CEP85: variants seen among roughly 807,000 people sequenced by gnomAD.
CEP85 encodes the protein centrosomal protein of 85 kDa.
CEP85 carries 58 observed loss-of-function variants against 93.7 expected under a neutral mutation model. The ratio of observed to expected loss-of-function variants is 0.62; its 90% CI spans 0.50 to 0.77. CEP85 has a LOEUF of 0.77. Ranked by LOEUF, CEP85 falls within the 30% of genes least tolerant of loss-of-function variation. The probability of loss-of-function intolerance (pLI) is 0.00; values close to 1 mark genes in which losing one functional copy is unlikely to be tolerated. For missense variants in CEP85, 868 were observed against 922.0 expected (o/e 0.94, Z 0.76); for synonymous variants, 314 against 338.6 (o/e 0.93, Z 0.80).
intron 1 of CEP85, among the ~76,000 whole-genome samples, chr1:26,238,456 A>AG (rs2089366470): frequency 6.6e-6 from 1 of 151,930 alleles, no homozygotes; most frequent in South Asian, 2.1e-4. Context: ...TCGGCCTCCC[A>AG]AAGTGCTGGG....
chr1:26,255,652 C>T lies in CEP85; in HGVS notation c.690C>T (p.Gly230=). 6.2e-7 allele frequency: 1 copy of T among 1,614,088 alleles called. No homozygotes were observed. Among genetic ancestry groups the T allele is most frequent in the Non-Finnish European group, 8.5e-7 (1 of 1,180,012 alleles). ...RVLPEAKKAP[G]SGAVFERNGP... The stretch of plus-strand genomic sequence containing the variant: ...TGCCTGAGGCCAAGAAGGCACCGGG[C>T]AGCGGGGCAGTGTTTGAGCGGAATG... The change falls in exon 4 of 14, where the codon GGC becomes GGT. Residue 230 remains glycine, a synonymous_variant. Transcript: ENST00000451429.
intron 7 of CEP85, among the ~76,000 whole-genome samples, chr1:26,264,576 C>T (rs1174708290): frequency 6.6e-6 from 1 of 152,052 alleles, no homozygotes. Context: ...TGGATGAAAG[C>T]TCTGGATTCA....
chr1:26,239,771 ATAACTGTG>A lies in CEP85; in HGVS notation c.-12_-5del. ...TTCCTTCATTCTACAGTTGGCTTAA[ATAACTGTG>A]ATTGATGGCCATGCAGGAGAAATAT... On this transcript the variant is annotated 5_prime_UTR_variant, in exon 2 of 14. Transcript: ENST00000451429. 1 of 1,606,930 alleles carries A rather than the reference ATAACTGTG, an allele frequency of 6.2e-7. No homozygotes were observed. The highest frequency in any genetic ancestry group is 2.2e-5 in the East Asian group (1 of 44,852).
At chr1:26,271,151 GAA>G (rs1188332235) in intron 10 of CEP85, 44 bp downstream of exon 10, 1 of 1,218,580 alleles carries the variant, frequency 8.2e-7, no homozygotes, top group South Asian at 1.2e-5. Flanking sequence ...AGGCTGGGAG[GAA>G]AGAGAAGATT....
chr1:26,242,656 C>G (rs1216999674), intron 2 of CEP85, among the ~76,000 whole-genome samples: 2 of 152,016 alleles, frequency 1.3e-5, no homozygotes, highest in African/African-American at 4.8e-5. Context: ...AATTTGTGTC[C>G]AAATTACTTT....
intron 3 of CEP85, among the ~76,000 whole-genome samples, chr1:26,248,656 T>C (rs186825680): frequency 3.4e-5 from 5 of 147,156 alleles, no homozygotes; most frequent in African/African-American, 1.3e-4. Flanking sequence ...CCACCATGCC[T>C]GGCTAATTTT....
intron 8 of CEP85, 49 bp downstream of exon 8, chr1:26,268,684 C>T (rs751613062): frequency 4.6e-6 from 7 of 1,533,788 alleles, no homozygotes; most frequent in East Asian, 2.3e-5. Flanking sequence ...AGTGGCCAGG[C>T]AGGGGAACTT....
At position 26,255,516 on chromosome 1, in the gene CEP85, A is replaced by T; in HGVS notation, c.554A>T (p.Glu185Val). The T allele has an allele frequency of 6.2e-7, 1 of 1,614,072 alleles. No individual in the cohort carries two copies. ...AGGAAGTTTGATATTCCTAGCATGG[A>T]ATCTACCCTCAATCAGTCGGCAATG... ...EARKFDIPSMESTLNQSAMME... is the reference protein window; with the variant it reads ...EARKFDIPSMVSTLNQSAMME... Residue 185 changes from glutamate to valine, a missense_variant, in exon 4 of 14, where the codon GAA becomes GTA. Coordinates refer to ENST00000451429, the MANE Select transcript of CEP85 (RefSeq NM_001319944.2).
At chr1:26,276,485 C>T in intron 12 of CEP85, 50 bp from the exon 13 acceptor site, 2 of 1,435,972 alleles carry the variant, frequency 1.4e-6, no homozygotes, top group Non-Finnish European at 2.0e-6. Flanking sequence ...CACAGATACT[C>T]TTCCTCTCCC....
At chr1:26,251,964 G>A (rs1212523812) in intron 3 of CEP85, among the ~76,000 whole-genome samples, 6 of 152,188 alleles carry the variant, frequency 3.9e-5, no homozygotes, top group Non-Finnish European at 7.3e-5. Context: ...TAAGCACGGT[G>A]GCTCATCCCT....
chr1:26,278,528 T>C lies in CEP85; in HGVS notation c.*1235T>C, dbSNP rs2090084945. ...CCTCATGCCTGGGCCTGAATGAGGC[T>C]CTTTCTTAAGTGTTTTTACAAGTTT... is the stretch of plus-strand genomic sequence containing the variant. On this transcript the variant is annotated 3_prime_UTR_variant, in exon 14 of 14. Transcript: ENST00000451429. 1 of 152,628 alleles carries C rather than the reference T, an allele frequency of 6.6e-6. No individual in the cohort carries two copies. Among genetic ancestry groups the C allele is most frequent in the South Asian group, 2.1e-4 (1 of 4,832 alleles). 9.5% of individuals were successfully genotyped at this position (152,628 alleles called of 1,614,324 possible). A position where few individuals can be genotyped will look rare whatever the true frequency, so the allele number is the denominator to read the frequency against.
chr1:26,244,187 G>A lies in CEP85; in HGVS notation c.77G>A (p.Gly26Asp). 1 of 1,613,406 alleles carries A rather than the reference G, an allele frequency of 6.2e-7. No homozygotes were observed. The change falls in exon 3 of 14, where the codon GGC becomes GAC. Residue 26 changes from glycine to aspartate, a missense_variant. Physicochemically the swap from Gly to Asp is moderately conservative, Grantham distance 94. Coordinates refer to ENST00000451429, the MANE Select transcript of CEP85 (RefSeq NM_001319944.2). ...TSPSSDVIQK[G>D]SSLGTEWQTP... Reference sequence around the variant, plus strand: ...TCAGGTTCCGATGTGATTCAGAAGGGCAGTTCCCTGGGGACTGAATGGCAG... The same window carrying A: ...TCAGGTTCCGATGTGATTCAGAAGGACAGTTCCCTGGGGACTGAATGGCAG...
At chr1:26,267,238 G>A (rs543737606) in intron 7 of CEP85, among the ~76,000 whole-genome samples, 1 of 152,330 alleles carries the variant, frequency 6.6e-6, no homozygotes, top group East Asian at 1.9e-4. Context: ...TTAGGAAAGT[G>A]CTATACTTAT....
At chr1:26,241,947 A>G (rs2089434191) in intron 2 of CEP85, among the ~76,000 whole-genome samples, 1 of 151,998 alleles carries the variant, frequency 6.6e-6, no homozygotes, top group South Asian at 2.1e-4. Context: ...TATTTTTAGT[A>G]GAGACGGGTT....
chr1:26,271,774 A>G (rs1368574481), intron 10 of CEP85: 2 of 482,774 alleles, frequency 4.1e-6, no homozygotes, highest in Non-Finnish European at 3.7e-6. Flanking sequence ...CCTTTCCCCC[A>G]GTAGTGGTTA....
rs746607239 is a variant in CEP85, at chr1:26,255,622, AGT to A, written c.663_664del (p.Leu222AlafsTer2). The A allele has an allele frequency of 1.2e-6, 2 of 1,613,908 alleles. No individual in the cohort carries two copies. Among genetic ancestry groups the A allele is most frequent in the South Asian group, 2.2e-5 (2 of 91,042 alleles). On this transcript the variant is annotated frameshift_variant, in exon 4 of 14. Transcript: ENST00000451429. LOFTEE classifies it high-confidence loss of function. ...CCAGCACAAGTAAGGAGTTGTACAG[AGT>A]GTTGCCTGAGGCCAAGAAGGCACCG... ...RTSTSKELYR[V>X]LPEAKKAPGS...
chr1:26,269,275 G>A, intron 8 of CEP85, 185 bp from the exon 9 acceptor site: 1 of 597,562 alleles, frequency 1.7e-6, no homozygotes, highest in Non-Finnish European at 3.0e-6. Flanking sequence ...CCCCTCCCCT[G>A]TCCAGTTGTG....
At chr1:26,252,921 G>A (rs2089641102) in intron 3 of CEP85, among the ~76,000 whole-genome samples, 2 of 151,988 alleles carry the variant, frequency 1.3e-5, no homozygotes, top group Non-Finnish European at 2.9e-5. Context: ...CCAGCTTCTG[G>A]TAACCACAAT....
chr1:26,237,633 A>T (rs903980695), intron 1 of CEP85, among the ~76,000 whole-genome samples: 7 of 152,170 alleles, frequency 4.6e-5, no homozygotes, highest in Non-Finnish European at 1.5e-5. Flanking sequence ...GGCTATTGTA[A>T]ATAATGCTGC....
Sources: gnomAD v4.1 joint callset for allele counts (sites outside exome capture counted in the v4.1 genomes callset) on GRCh38, gnomAD v4.1.1 for gene constraint, MANE v1.5 for transcripts, NCBI Gene and HGNC (gene_info 2026-07-23, HGNC 2026-07-21) for gene names.